SLAMF8: variants seen among roughly 807,000 people sequenced by gnomAD.
The protein encoded by SLAMF8 is SLAM family member 8.
Under a neutral mutation model 29.0 loss-of-function variants are expected in SLAMF8, and 23 were observed. The ratio of observed to expected loss-of-function variants is 0.79; its 90% confidence interval spans 0.57 to 1.13. The LOEUF is 1.13. Among genes scored for constraint, SLAMF8 ranks in the 50% most tolerant of loss-of-function variants. The probability of loss-of-function intolerance (pLI) is 0.00; values close to 1 mark genes in which losing one functional copy is unlikely to be tolerated. For missense variants in SLAMF8, 381 were observed against 353.1 expected, an observed-to-expected ratio of 1.08 and a Z score of -0.63; for synonymous variants, 139 against 145.6, an observed-to-expected ratio of 0.96 and a Z score of 0.32.
intron 2 of SLAMF8, among the ~76,000 whole-genome samples, chr1:159,830,588 G>T (rs991613555): frequency 2.0e-5 from 3 of 152,050 alleles, no homozygotes; most frequent in African/African-American, 4.8e-5. Flanking sequence ...TGCTTCCTCA[G>T]TTCTAAAGGA....
chr1:159,830,149 A>G lies in SLAMF8; in HGVS notation c.324A>G (p.Thr108=). 6.2e-7 allele frequency: 1 copy of G among 1,613,442 alleles called. No individual in the cohort carries two copies. Among genetic ancestry groups the G allele is most frequent in the South Asian group, 1.1e-5 (1 of 91,022 alleles). The change falls in exon 2 of 5, where the codon ACA becomes ACG. Residue 108 remains threonine (T), a synonymous_variant. Coordinates refer to ENST00000289707, the MANE Select transcript of SLAMF8 (RefSeq NM_020125.3). The part of the protein sequence containing the change: ...SGNFSVLMVD[T]RGQPWTQTLQ... ...ACTTCTCCGTGTTGATGGTGGACAC[A>G]AGGGGCCAGCCCTGGACCCAGACCC...
chr1:159,827,874 A>G (rs2501342), intron 1 of SLAMF8, among the ~76,000 whole-genome samples: 125,451 of 151,570 alleles, frequency 0.83, 52,351 homozygotes, highest in African/African-American at 0.95. Flanking sequence ...TTGCTCTGTC[A>G]CCCAGGCTGG....
chr1:159,829,229 T>C (rs1241937199), intron 1 of SLAMF8, among the ~76,000 whole-genome samples: 1 of 152,210 alleles, frequency 6.6e-6, no homozygotes, highest in Non-Finnish European at 1.5e-5. Flanking sequence ...TTTCTAACCA[T>C]GCATCTAATC....
Position 159,832,875 on chromosome 1 carries a change from G to T in SLAMF8, c.368-1G>T, listed in dbSNP as rs534646729. The T allele has an allele frequency of 9.9e-6, 16 of 1,611,564 alleles. No individual in the cohort carries two copies. In the East Asian group the frequency reaches 3.1e-4, roughly 31 times the overall value. Reference sequence around the variant, plus strand: ...ATACCAGCTGTACTTTTCTTTCCCAGATGCAGTGCCCAGGCCCGTGGTACA... The same window carrying T: ...ATACCAGCTGTACTTTTCTTTCCCATATGCAGTGCCCAGGCCCGTGGTACA... On this transcript the variant is annotated splice_acceptor_variant, in intron 2 of 4. Coordinates refer to ENST00000289707, the MANE Select transcript of SLAMF8 (RefSeq NM_020125.3). LOFTEE classifies it high-confidence loss of function.
chr1:159,830,629 C>T (rs1282427626), intron 2 of SLAMF8, among the ~76,000 whole-genome samples: 1 of 151,940 alleles, frequency 6.6e-6, no homozygotes, highest in Non-Finnish European at 1.5e-5. Context: ...TGCCACTAGT[C>T]TATGTAGTCT....
In SLAMF8 at chr1:159,837,261, A is replaced by C. The variant is rs531773298; in HGVS notation, c.*2001A>C. On this transcript the variant is annotated 3_prime_UTR_variant, in exon 5 of 5. Transcript: ENST00000289707. The stretch of plus-strand genomic sequence containing the variant: ...CCCATCCTTAATGACTCACTTGTCA[A>C]CTAGTGGACTAATTAACCCTCCACC... 1.4e-4 allele frequency: 135 copies of C among 985,488 alleles called. 3 individuals are homozygous for C. The South Asian group carries it at 5.9e-3, about 43-fold the overall frequency. 61.0% of individuals were successfully genotyped at this position (985,488 alleles called of 1,614,324 possible).
At chr1:159,831,717 A>C (rs1198568221) in intron 2 of SLAMF8, among the ~76,000 whole-genome samples, 1 of 152,210 alleles carries the variant, frequency 6.6e-6, no homozygotes, top group Non-Finnish European at 1.5e-5. Flanking sequence ...CGTGATTAGA[A>C]CTAATTGCAC....
At chr1:159,827,035 TG>T in intron 1 of SLAMF8, 97 bp downstream of exon 1, 2 of 1,479,676 alleles carry the variant, frequency 1.4e-6, no homozygotes, top group Non-Finnish European at 1.9e-6. Flanking sequence ...TCGACCTGGG[TG>T]AGAACCCAGA....
At chr1:159,832,167 T>C (rs1247888100) in intron 2 of SLAMF8, among the ~76,000 whole-genome samples, 1 of 152,184 alleles carries the variant, frequency 6.6e-6, no homozygotes, top group African/African-American at 2.4e-5. Context: ...ACCCACTATT[T>C]GCCAGCACTA....
At position 159,826,903 on chromosome 1, in the gene SLAMF8, T is replaced by A. The variant is rs201120920; in HGVS notation, c.5T>A (p.Val2Asp). 1.4e-4 allele frequency: 227 copies of A among 1,614,008 alleles called. No homozygotes were observed. Among genetic ancestry groups the A allele is most frequent in the Middle Eastern group, 9.9e-4 (6 of 6,062 alleles). The change falls in exon 1 of 5, where the codon GTC becomes GAC. Residue 2 changes from valine (V) to aspartate (D), a missense_variant. Transcript: ENST00000289707. ...TGCCTGCCTCTCCAGAGAAAGATGGTCATGAGGCCCCTGTGGAGTCTGCTT... is the reference window on the plus strand; with the variant it reads ...TGCCTGCCTCTCCAGAGAAAGATGGACATGAGGCCCCTGTGGAGTCTGCTT... M[V>D]MRPLWSLLLW... is the part of the protein sequence containing the mutation.
In SLAMF8 at chr1:159,835,936, G is replaced by T; in HGVS notation, c.*676G>T. 1.0e-6 allele frequency: 1 copy of T among 985,412 alleles called. No individual in the cohort carries two copies. 61.0% of individuals were successfully genotyped at this position (985,412 alleles called of 1,614,324 possible). A position where few individuals can be genotyped will look rare whatever the true frequency, so the allele number is the denominator to read the frequency against. On this transcript the variant is annotated 3_prime_UTR_variant, in exon 5 of 5. Transcript: ENST00000289707. ...TGGTTGACAACCCATGGTTGAGATG[G>T]GCACCGTTTTGCAGGAAACACCATA...
In SLAMF8 at chr1:159,830,130, C is replaced by T; in HGVS notation, c.305C>T (p.Ser102Phe). 6.2e-7 allele frequency: 1 copy of T among 1,614,052 alleles called. No homozygotes were observed. The highest frequency in any genetic ancestry group is 8.5e-7 in the Non-Finnish European group (1 of 1,179,930). Residue 102 changes from serine (S) to phenylalanine (F), a missense_variant, in exon 2 of 5, where the codon TCC becomes TTC. Transcript: ENST00000289707. ...GAGTCTGGAGACAGCGGCAACTTCT[C>T]CGTGTTGATGGTGGACACAAGGGGC... is the stretch of plus-strand genomic sequence containing the variant. The part of the protein sequence containing the change: ...PLESGDSGNF[S>F]VLMVDTRGQP...
intron 4 of SLAMF8, chr1:159,834,958 A>G: frequency 1.0e-5 from 5 of 495,946 alleles, no homozygotes; most frequent in Middle Eastern, 5.3e-4. Context: ...CATACCTTCT[A>G]CAATTAAATG....
chr1:159,834,039 G>A lies in SLAMF8; in HGVS notation c.781+670G>A, dbSNP rs150169200. 5.7e-3 allele frequency among the ~76,000 whole-genome samples: 868 copies of A among 152,324 alleles called. 3 individuals are homozygous for A. The highest frequency in any genetic ancestry group is 9.2e-3 in the Non-Finnish European group (629 of 68,026). On this transcript the variant is annotated intron_variant, in intron 4 of 4. Coordinates refer to ENST00000289707, the MANE Select transcript of SLAMF8 (RefSeq NM_020125.3). Reference sequence around the variant, plus strand: ...AGGGTTGCCTTCTTGAGAAGAGGAAGGAAGGGGAAACTCCAAGATCAGACC... The same window carrying A: ...AGGGTTGCCTTCTTGAGAAGAGGAAAGAAGGGGAAACTCCAAGATCAGACC...
chr1:159,837,026 G>C lies in SLAMF8; in HGVS notation c.*1766G>C, dbSNP rs1208247504. The C allele has an allele frequency of 1.0e-6, 1 of 985,278 alleles. No homozygotes were observed. The highest frequency in any genetic ancestry group is 1.2e-6 in the Non-Finnish European group (1 of 829,966). 61.0% of individuals were successfully genotyped at this position (985,278 alleles called of 1,614,324 possible). ...AGCCCAGGATCTGACAATGAGCCCT[G>C]GTGGATTTGTGGGGAAAAAATACAC... On this transcript the variant is annotated 3_prime_UTR_variant, in exon 5 of 5. Coordinates refer to ENST00000289707, the MANE Select transcript of SLAMF8 (RefSeq NM_020125.3).
chr1:159,829,329 T>G (rs1157123894), intron 1 of SLAMF8, among the ~76,000 whole-genome samples: 1 of 152,234 alleles, frequency 6.6e-6, no homozygotes, highest in Non-Finnish European at 1.5e-5. Flanking sequence ...GGTCTCTGCA[T>G]GATCTGACTC....
intron 1 of SLAMF8, among the ~76,000 whole-genome samples, chr1:159,827,549 A>G (rs1663705696): frequency 1.3e-5 from 2 of 152,154 alleles, no homozygotes; most frequent in African/African-American, 2.4e-5. Context: ...TATCCATCTG[A>G]TGCCTGAGTT....
At position 159,829,794 on chromosome 1, in the gene SLAMF8, C is replaced by T; in HGVS notation, c.41-72C>T. 4.1e-6 allele frequency: 6 copies of T among 1,457,612 alleles called. No homozygotes were observed. In the South Asian group the frequency reaches 6.8e-5, roughly 16 times the overall value. 90.3% of individuals were successfully genotyped at this position (1,457,612 alleles called of 1,614,324 possible). ...GGAGGGGCCCCAATTCACCCTATAG[C>T]AGCTCAGATGCATGCAAAGAAGGAT... On this transcript the variant is annotated intron_variant, in intron 1 of 4. Transcript: ENST00000289707.
intron 2 of SLAMF8, among the ~76,000 whole-genome samples, chr1:159,831,760 G>A (rs1647501080): frequency 6.6e-6 from 1 of 152,214 alleles, no homozygotes; most frequent in Admixed American, 6.5e-5. Context: ...TAGGAGTTCT[G>A]CTTTGACAAT....
Sources: allele counts gnomAD v4.1 joint callset (sites outside exome capture counted in the v4.1 genomes callset), GRCh38; gene constraint gnomAD v4.1.1; transcripts MANE v1.5; gene names NCBI Gene and HGNC (gene_info 2026-07-23, HGNC 2026-07-21).